Variants in PDE11A observed in about 807,000 individuals in gnomAD.
The protein encoded by PDE11A is phosphodiesterase 11A.
PDE11A carries 100 observed loss-of-function variants against 100.5 expected under a neutral mutation model. The observed-to-expected ratio is 1.00, with a 90% confidence interval of 0.85 to 1.18. The LOEUF is 1.18. Ranked by LOEUF, PDE11A falls within the 50% of genes most tolerant of loss-of-function variation. The pLI is 0.00. For missense variants in PDE11A, 1,141 were observed against 1,152.6 expected (o/e 0.99, Z 0.15); for synonymous variants, 381 against 420.8 (o/e 0.91, Z 1.16).
chr2:177,801,445 T>G (rs1328066930), intron 9 of PDE11A, among the ~76,000 whole-genome samples: 4 of 152,126 alleles, frequency 2.6e-5, no homozygotes, highest in Non-Finnish European at 5.9e-5. Flanking sequence ...AATGAATATA[T>G]AGACAACAAC....
chr2:177,877,399 A>C (rs889785449), intron 4 of PDE11A, among the ~76,000 whole-genome samples: 7 of 152,126 alleles, frequency 4.6e-5, no homozygotes, highest in Non-Finnish European at 1.0e-4. Context: ...TCCTCACCCC[A>C]GATGAGGCAC....
At chr2:177,842,241 G>A (rs2083503611) in intron 5 of PDE11A, among the ~76,000 whole-genome samples, 1 of 152,206 alleles carries the variant, frequency 6.6e-6, no homozygotes, top group African/African-American at 2.4e-5. Flanking sequence ...GAGCTGGGGA[G>A]AGGTCTGGGC....
chr2:178,012,680 T>G (rs2086286222), intron 2 of PDE11A, among the ~76,000 whole-genome samples: 1 of 152,180 alleles, frequency 6.6e-6, no homozygotes, highest in Non-Finnish European at 1.5e-5. Context: ...ATCTCACAGG[T>G]ACAAGTCCAT....
chr2:178,012,370 AT>A (rs2086283086), intron 2 of PDE11A, among the ~76,000 whole-genome samples: 1 of 152,250 alleles, frequency 6.6e-6, no homozygotes, highest in Non-Finnish European at 1.5e-5. Context: ...AATATTAATT[AT>A]TTAAAAAAAT....
chr2:177,957,025 C>T (rs957965687), intron 2 of PDE11A, among the ~76,000 whole-genome samples: 2 of 150,778 alleles, frequency 1.3e-5, no homozygotes, highest in African/African-American at 4.9e-5. Context: ...ACATTGTGTA[C>T]GTGTACCCTA....
At chr2:177,732,483 C>A (rs1013493712) in intron 10 of PDE11A, among the ~76,000 whole-genome samples, 3 of 152,166 alleles carry the variant, frequency 2.0e-5, no homozygotes, top group African/African-American at 7.2e-5. Context: ...AACCTTGTTA[C>A]AGTTTGTTAC....
At chr2:177,916,719 T>C (rs2084957933) in intron 2 of PDE11A, among the ~76,000 whole-genome samples, 1 of 148,128 alleles carries the variant, frequency 6.8e-6, no homozygotes. Flanking sequence ...ACATTTCAAC[T>C]TGAAGGTTCT....
chr2:177,696,004 A>C (rs897869672), intron 15 of PDE11A, among the ~76,000 whole-genome samples: 3 of 152,202 alleles, frequency 2.0e-5, no homozygotes, highest in African/African-American at 7.2e-5. Context: ...ACATCAGGGC[A>C]CAGGGGGCAT....
At chr2:177,945,793 C>A (rs866415601) in intron 2 of PDE11A, among the ~76,000 whole-genome samples, 1 of 150,056 alleles carries the variant, frequency 6.7e-6, no homozygotes, top group Non-Finnish European at 1.5e-5. Flanking sequence ...GTCAGCCCCC[C>A]CGCCCGGCCA....
intron 6 of PDE11A, among the ~76,000 whole-genome samples, chr2:177,827,753 G>T (rs778831597): frequency 6.6e-6 from 1 of 152,222 alleles, no homozygotes. Context: ...CACAATGCCA[G>T]TTGAAAGCAA....
chr2:178,084,518 C>A (rs1211146851), intron 2 of PDE11A, among the ~76,000 whole-genome samples: 1 of 152,156 alleles, frequency 6.6e-6, no homozygotes, highest in Non-Finnish European at 1.5e-5. Context: ...GTAAGAAATG[C>A]TGATGGTTTC....
intron 12 of PDE11A, among the ~76,000 whole-genome samples, chr2:177,722,460 C>G (rs565457917): frequency 6.6e-5 from 10 of 152,174 alleles, no homozygotes; most frequent in African/African-American, 2.2e-4. Flanking sequence ...TATTAGCACA[C>G]CAGGTTCTTA....
At chr2:178,023,704 T>A (rs1031692205) in intron 1 of PDE11A, among the ~76,000 whole-genome samples, 2 of 152,210 alleles carry the variant, frequency 1.3e-5, no homozygotes, top group African/African-American at 4.8e-5. Flanking sequence ...TTCCTGAACA[T>A]ACTTATGAGG....
intron 1 of PDE11A, among the ~76,000 whole-genome samples, chr2:178,042,563 C>T (rs2086697627): frequency 6.6e-6 from 1 of 151,978 alleles, no homozygotes; most frequent in African/African-American, 2.4e-5. Flanking sequence ...CTGGAACTTT[C>T]CCCTTACGTA....
intron 9 of PDE11A, among the ~76,000 whole-genome samples, chr2:177,802,297 A>G (rs748025054): frequency 2.6e-5 from 4 of 152,164 alleles, no homozygotes; most frequent in Non-Finnish European, 5.9e-5. Flanking sequence ...AAAAATATAT[A>G]CCTGGAAGTT....
chr2:177,663,924 T>A lies in PDE11A; in HGVS notation c.2588A>T (p.Asp863Val), dbSNP rs1216820978. The A allele has an allele frequency of 6.2e-7, 1 of 1,611,806 alleles. No individual in the cohort carries two copies. Among genetic ancestry groups the A allele is most frequent in the African/African-American group, 1.3e-5 (1 of 74,856 alleles). ...PSAIFDRNRK[D>V]ELPRLQLEWI... ...CTCCAGTTGCAACCGAGGCAGTTCA[T>A]CCTTCCGGTTCCGATCAAAAATTGC... The change falls in exon 19 of 20, where the codon GAT becomes GTT. Residue 863 changes from aspartate (D) to valine (V), a missense_variant. By Grantham distance (152) the Asp-to-Val change is radical (BLOSUM62 -3). Coordinates refer to ENST00000286063, the MANE Select transcript of PDE11A (RefSeq NM_016953.4).
chr2:177,670,249 T>C (rs1439243511), intron 17 of PDE11A, among the ~76,000 whole-genome samples: 1 of 152,188 alleles, frequency 6.6e-6, no homozygotes, highest in African/African-American at 2.4e-5. Flanking sequence ...TAATTTATGG[T>C]AGGCTCTACT....
At chr2:177,950,171 A>T (rs756788584) in intron 2 of PDE11A, among the ~76,000 whole-genome samples, 1 of 152,074 alleles carries the variant, frequency 6.6e-6, no homozygotes, top group Non-Finnish European at 1.5e-5. Flanking sequence ...TAGCTTGGGA[A>T]TCCTAGTAGT....
At chr2:178,010,459 C>T (rs2086262460) in intron 2 of PDE11A, among the ~76,000 whole-genome samples, 1 of 152,118 alleles carries the variant, frequency 6.6e-6, no homozygotes, top group African/African-American at 2.4e-5. Context: ...CATACTGCTA[C>T]CATTGTAAAT....
Sources: gnomAD v4.1 joint callset for allele counts (sites outside exome capture counted in the v4.1 genomes callset) on GRCh38, gnomAD v4.1.1 for gene constraint, MANE v1.5 for transcripts, NCBI Gene and HGNC (gene_info 2026-07-23, HGNC 2026-07-21) for gene names.